Variants in YARS1 observed in about 807,000 individuals in gnomAD.
The protein encoded by YARS1 is tyrosyl-tRNA synthetase 1, also known as tyrosine--tRNA ligase, cytoplasmic.
In YARS1, 36 loss-of-function variants were observed where a neutral mutation model predicts 62.2. The observed-to-expected ratio is 0.58, with a 90% CI of 0.44 to 0.76. YARS1 has a LOEUF of 0.76. Among genes scored for constraint, YARS1 ranks in the 30% least tolerant of loss-of-function variants. YARS1 has a pLI of 0.00. For missense variants in YARS1, 524 were observed against 639.8 expected (o/e 0.82, Z 1.95); for synonymous variants, 234 against 244.9 (o/e 0.96, Z 0.42).
intron 3 of YARS1, among the ~76,000 whole-genome samples, chr1:32,806,859 T>C (rs954707682): frequency 2.6e-5 from 4 of 152,336 alleles, no homozygotes; most frequent in Admixed American, 1.3e-4. Context: ...ACCTATTGGG[T>C]ATTGTGCTGA....
intron 5 of YARS1, among the ~76,000 whole-genome samples, chr1:32,792,348 C>A (rs1183249880): frequency 2.0e-5 from 3 of 152,212 alleles, no homozygotes; most frequent in Non-Finnish European, 4.4e-5. Context: ...CTAAAACCAA[C>A]CCCTGACAGA....
chr1:32,779,686 AT>A, intron 11 of YARS1, 163 bp from the exon 12 acceptor site: 3 of 872,876 alleles, frequency 3.4e-6, no homozygotes, highest in Non-Finnish European at 5.4e-6. Context: ...ATCCCTGCAT[AT>A]CACCAGGGTT....
At chr1:32,801,986 C>T (rs1164376689) in intron 4 of YARS1, among the ~76,000 whole-genome samples, 5 of 123,478 alleles carry the variant, frequency 4.0e-5, no homozygotes, top group African/African-American at 1.2e-4. Context: ...CTCGCTCTGT[C>T]GCCCAGGCTG....
At chr1:32,810,548 G>A (rs1460814891) in intron 3 of YARS1, 43 bp downstream of exon 3, 1 of 1,611,618 alleles carries the variant, frequency 6.2e-7, no homozygotes, top group African/African-American at 1.3e-5. Context: ...TAATTAGCTA[G>A]AAGCACCAGA....
intron 5 of YARS1, among the ~76,000 whole-genome samples, chr1:32,795,978 T>A (rs1653569146): frequency 6.6e-6 from 1 of 151,972 alleles, no homozygotes; most frequent in South Asian, 2.1e-4. Context: ...GAGGTCCAAC[T>A]AAAAAGTTAA....
chr1:32,786,825 G>C, intron 7 of YARS1, 115 bp downstream of exon 7: 1 of 1,370,352 alleles, frequency 7.3e-7, no homozygotes, highest in South Asian at 1.3e-5. Flanking sequence ...AATCAGAGCA[G>C]AGAATCAGGG....
chr1:32,782,514 T>G lies in YARS1; in HGVS notation c.932A>C (p.Asn311Thr). 6.2e-7 allele frequency: 1 copy of G among 1,614,134 alleles called. No individual in the cohort carries two copies. The change falls in exon 9 of 13, where the codon AAT (asparagine) becomes ACT (threonine). Residue 311 changes from asparagine to threonine, a missense_variant. Coordinates refer to ENST00000373477, the MANE Select transcript of YARS1 (RefSeq NM_003680.4). Reference protein sequence around the residue: ...AEVVHPGDLKNSVEVALNKLL... With the variant: ...AEVVHPGDLKTSVEVALNKLL... ...CTTGTTCAGTGCGACTTCAACAGAATTCTTCAGGTCTCCAGGATGTACAAC... is the reference window on the plus strand; with the variant it reads ...CTTGTTCAGTGCGACTTCAACAGAAGTCTTCAGGTCTCCAGGATGTACAAC...
Position 32,782,527 on chromosome 1 carries a change from C to T in YARS1, c.919G>A (p.Gly307Arg), listed in dbSNP as rs1557447416. The change falls in exon 9 of 13, where the codon GGA (glycine) becomes AGA (arginine). Residue 307 changes from glycine (G) to arginine (R), a missense_variant. By Grantham distance (125) the Gly-to-Arg change is moderately radical (BLOSUM62 -2). Coordinates refer to ENST00000373477, the MANE Select transcript of YARS1 (RefSeq NM_003680.4). The part of the protein sequence containing the change: ...KDFAAEVVHP[G>R]DLKNSVEVAL... ...ACTTCAACAGAATTCTTCAGGTCTC[C>T]AGGATGTACAACCTGCAGAATCGAA... 6.2e-7 allele frequency: 1 copy of T among 1,614,100 alleles called. No individual in the cohort carries two copies. The highest frequency in any genetic ancestry group is 8.5e-7 in the Non-Finnish European group (1 of 1,180,028).
At chr1:32,790,513 C>CAAAAAAAAAAAAAAAAA (rs35718370) in intron 6 of YARS1, 1 of 65,560 alleles carries the variant, frequency 1.5e-5, no homozygotes. Context: ...GACTCCATCT[C>CAAAAAAAAAAAAAAAAA]AAAAAAAAAA....
chr1:32,803,855 G>A (rs1213994615), intron 4 of YARS1, among the ~76,000 whole-genome samples: 1 of 152,046 alleles, frequency 6.6e-6, no homozygotes, highest in African/African-American at 2.4e-5. Context: ...GTGAACAAGG[G>A]TCTCTGGTTT....
At chr1:32,785,086 G>T (rs1056231523) in intron 8 of YARS1, among the ~76,000 whole-genome samples, 3 of 152,128 alleles carry the variant, frequency 2.0e-5, no homozygotes, top group African/African-American at 4.8e-5. Context: ...TATTAGCATT[G>T]TACCATTTGC....
intron 3 of YARS1, among the ~76,000 whole-genome samples, chr1:32,808,087 A>G (rs1291124085): frequency 1.3e-5 from 2 of 151,880 alleles, no homozygotes; most frequent in African/African-American, 4.8e-5. Context: ...TTTGATTTTT[A>G]GTAGAGATGA....
chr1:32,777,119 T>G (rs1160451066), intron 12 of YARS1, among the ~76,000 whole-genome samples: 1 of 151,022 alleles, frequency 6.6e-6, no homozygotes, highest in Non-Finnish European at 1.5e-5. Context: ...AACCTCCACC[T>G]CCCAGGTTCA....
Position 32,775,884 on chromosome 1 carries a change from G to A in YARS1, c.*97C>T, listed in dbSNP as rs1220436664. 1.5e-5 allele frequency: 17 copies of A among 1,162,130 alleles called. No individual in the cohort carries two copies. Among genetic ancestry groups the A allele is most frequent in the African/African-American group, 7.6e-5 (5 of 65,628 alleles). The allele number at this position is 1,162,130 out of a possible 1,614,324, so 72.0% of individuals were successfully genotyped here. ...TAAAGAGTCCAAACCCGCTGCTTCCGTGTCCTGAGAGATGGGTAAATGGGT... is the reference window on the plus strand; with the variant it reads ...TAAAGAGTCCAAACCCGCTGCTTCCATGTCCTGAGAGATGGGTAAATGGGT... On this transcript the variant is annotated 3_prime_UTR_variant, in exon 13 of 13. Transcript: ENST00000373477.
chr1:32,795,497 G>A (rs12136633), intron 5 of YARS1, among the ~76,000 whole-genome samples: 1 of 152,088 alleles, frequency 6.6e-6, no homozygotes, highest in South Asian at 2.1e-4. Context: ...AACTGTTTTA[G>A]AAAGGGCCAG....
intron 1 of YARS1, among the ~76,000 whole-genome samples, chr1:32,812,321 G>A (rs914789689): frequency 3.9e-5 from 6 of 152,174 alleles, no homozygotes; most frequent in African/African-American, 1.4e-4. Flanking sequence ...TGATCCTCTG[G>A]AGTTTAGACA....
chr1:32,802,431 G>C (rs1035641119), intron 4 of YARS1, among the ~76,000 whole-genome samples: 1 of 151,970 alleles, frequency 6.6e-6, no homozygotes, highest in Non-Finnish European at 1.5e-5. Context: ...CCTTTTCAGA[G>C]GTTTTCAGTT....
intron 5 of YARS1, among the ~76,000 whole-genome samples, chr1:32,793,290 T>C (rs1653473149): frequency 6.6e-6 from 1 of 152,166 alleles, no homozygotes; most frequent in South Asian, 2.1e-4. Flanking sequence ...ACAAATCCAC[T>C]GATTCAAGAA....
At chr1:32,778,194 T>C (rs760083348) in intron 12 of YARS1, among the ~76,000 whole-genome samples, 1 of 152,186 alleles carries the variant, frequency 6.6e-6, no homozygotes, top group Non-Finnish European at 1.5e-5. Flanking sequence ...CCTGCTGCTT[T>C]ATTCATTGAG....
Sources: allele counts gnomAD v4.1 joint callset (sites outside exome capture counted in the v4.1 genomes callset), GRCh38; gene constraint gnomAD v4.1.1; transcripts MANE v1.5; gene names NCBI Gene and HGNC (gene_info 2026-07-23, HGNC 2026-07-21).